The following ZCWPW2 variants were observed in gnomAD, a reference collection of about 807,000 sequenced individuals.
ZCWPW2 encodes the protein zinc finger CW-type and PWWP domain containing 2.
In ZCWPW2, 45 loss-of-function variants were observed where a neutral mutation model predicts 46.6. The ratio of observed to expected loss-of-function variants is 0.96; its 90% CI spans 0.76 to 1.24. ZCWPW2 has a LOEUF of 1.24. Ranked by LOEUF, ZCWPW2 falls within the 50% of genes most tolerant of loss-of-function variation. The pLI is 0.00. For synonymous variants in ZCWPW2, 152 were observed against 137.1 expected (o/e 1.11, Z -0.76); for missense variants, 429 against 403.9 (o/e 1.06, Z -0.53).
At chr3:28,449,937 A>G (rs1698158604) in intron 4 of ZCWPW2, among the ~76,000 whole-genome samples, 1 of 152,190 alleles carries the variant, frequency 6.6e-6, no homozygotes, top group African/African-American at 2.4e-5. Flanking sequence ...GTTTTAGTGT[A>G]GAGTAATGTA....
chr3:28,383,462 G>T (rs967321685), intron 1 of ZCWPW2, among the ~76,000 whole-genome samples: 4 of 151,980 alleles, frequency 2.6e-5, no homozygotes, highest in Non-Finnish European at 4.4e-5. Context: ...CTGAAAACCT[G>T]CACAATGCAG....
chr3:28,417,274 A>G (rs1450097115), intron 3 of ZCWPW2, among the ~76,000 whole-genome samples: 2 of 152,130 alleles, frequency 1.3e-5, no homozygotes, highest in Admixed American at 1.3e-4. Flanking sequence ...GAAGAAATGG[A>G]TAAATTCCTT....
chr3:28,498,183 A>C (rs1421971535), intron 6 of ZCWPW2, among the ~76,000 whole-genome samples: 1 of 151,924 alleles, frequency 6.6e-6, no homozygotes, highest in Non-Finnish European at 1.5e-5. Flanking sequence ...ATAGATTTTG[A>C]AAGATGTTTG....
intron 3 of ZCWPW2, among the ~76,000 whole-genome samples, chr3:28,419,776 G>C (rs1287020315): frequency 4.0e-5 from 2 of 49,518 alleles, no homozygotes; most frequent in African/African-American, 1.7e-4. Context: ...CCTTTGTAGG[G>C]ATATGGATGA....
At chr3:28,372,409 A>G (rs1186525391) in intron 1 of ZCWPW2, among the ~76,000 whole-genome samples, 1 of 152,204 alleles carries the variant, frequency 6.6e-6, no homozygotes, top group African/African-American at 2.4e-5. Flanking sequence ...CAGCCCAAAT[A>G]TCTAAAGATT....
chr3:28,441,970 G>A (rs1443712586), intron 4 of ZCWPW2, among the ~76,000 whole-genome samples: 1 of 152,188 alleles, frequency 6.6e-6, no homozygotes, highest in African/African-American at 2.4e-5. Context: ...ATTTGGGCCT[G>A]CCAAAGGCTC....
At chr3:28,488,231 A>G (rs1013241845) in intron 5 of ZCWPW2, among the ~76,000 whole-genome samples, 2 of 152,118 alleles carry the variant, frequency 1.3e-5, no homozygotes, top group African/African-American at 4.8e-5. Flanking sequence ...TCCTACCCCT[A>G]TACTAGTTTC....
rs931972281 is a variant in ZCWPW2, at chr3:28,433,562, T to C, written c.333-1548T>C. Among the ~76,000 whole-genome samples the C allele has an allele frequency of 5.3e-5, 8 of 151,454 alleles. No individual in the cohort carries two copies. In the East Asian group the frequency reaches 1.6e-3, roughly 29 times the overall value. ...CGGGCGGATCACTTGAGGTCAGGAG[T>C]TCGAGACCAGCCTGACCAACATGGT... On this transcript the variant is annotated intron_variant, in intron 3 of 9. Coordinates refer to ENST00000383768, the MANE Select transcript of ZCWPW2 (RefSeq NM_001040432.4).
intron 1 of ZCWPW2, among the ~76,000 whole-genome samples, chr3:28,367,592 T>G (rs1486413674): frequency 6.6e-6 from 1 of 152,116 alleles, no homozygotes; most frequent in Non-Finnish European, 1.5e-5. Flanking sequence ...GAACAGGTGT[T>G]GTGTGGTGCT....
Position 28,481,091 on chromosome 3 carries a change from T to G in ZCWPW2, c.610+2160T>G, listed in dbSNP as rs548358425. Among the ~76,000 whole-genome samples, 142 of 152,208 alleles carry G rather than the reference T, an allele frequency of 9.3e-4. 3 individuals carry two copies. Among genetic ancestry groups the G allele is most frequent in the Admixed American group, 6.2e-3 (95 of 15,286 alleles). On this transcript the variant is annotated intron_variant, in intron 5 of 9. Coordinates refer to ENST00000383768, the MANE Select transcript of ZCWPW2 (RefSeq NM_001040432.4). ...CATGTTGGCCAGGCTGGTCTTGAAC[T>G]TCCCATTGCTTGTTTTTGTCAGATT...
chr3:28,364,844 T>C (rs1312994798), intron 1 of ZCWPW2, among the ~76,000 whole-genome samples: 1 of 152,204 alleles, frequency 6.6e-6, no homozygotes, highest in Non-Finnish European at 1.5e-5. Flanking sequence ...TTCCTGACTT[T>C]TAATGATCGT....
At chr3:28,484,595 T>C (rs1448252632) in intron 5 of ZCWPW2, among the ~76,000 whole-genome samples, 1 of 152,172 alleles carries the variant, frequency 6.6e-6, no homozygotes, top group African/African-American at 2.4e-5. Flanking sequence ...TTATTTTCTT[T>C]TAATGTCCAT....
intron 3 of ZCWPW2, among the ~76,000 whole-genome samples, chr3:28,433,497 T>G (rs2125761487): frequency 6.6e-6 from 1 of 152,288 alleles, no homozygotes; most frequent in South Asian, 2.1e-4. Context: ...CTGGGTGCAG[T>G]GGCTCATGCC....
At chr3:28,426,236 G>A (rs543980600) in intron 3 of ZCWPW2, among the ~76,000 whole-genome samples, 11 of 151,890 alleles carry the variant, frequency 7.2e-5, no homozygotes, top group African/African-American at 2.7e-4. Context: ...CAATGTTTAA[G>A]CAGTCTTGTT....
At chr3:28,437,437 A>G (rs1697546383) in intron 4 of ZCWPW2, among the ~76,000 whole-genome samples, 1 of 152,228 alleles carries the variant, frequency 6.6e-6, no homozygotes. Flanking sequence ...AAAGACCTGC[A>G]TTATATGCAT....
At chr3:28,411,016 T>A (rs1696377051) in intron 2 of ZCWPW2, among the ~76,000 whole-genome samples, 1 of 151,910 alleles carries the variant, frequency 6.6e-6, no homozygotes, top group Non-Finnish European at 1.5e-5. Context: ...GGGAACATTT[T>A]TTACTTTATT....
At chr3:28,357,512 G>A (rs1704782018) in intron 1 of ZCWPW2, among the ~76,000 whole-genome samples, 1 of 152,178 alleles carries the variant, frequency 6.6e-6, no homozygotes. Context: ...CACATTGTGA[G>A]TGGGCAGCAT....
intron 2 of ZCWPW2, among the ~76,000 whole-genome samples, chr3:28,410,785 G>A (rs1414260557): frequency 2.6e-5 from 4 of 151,788 alleles, no homozygotes; most frequent in Non-Finnish European, 5.9e-5. Flanking sequence ...AGGAAAGAAA[G>A]AATTAAGAAA....
chr3:28,495,636 G>A (rs1479595581), intron 6 of ZCWPW2, among the ~76,000 whole-genome samples: 1 of 151,890 alleles, frequency 6.6e-6, no homozygotes, highest in Admixed American at 6.6e-5. Context: ...TGTTGAATCT[G>A]ATAGCATAAA....
Sources: allele counts gnomAD v4.1 joint callset (sites outside exome capture counted in the v4.1 genomes callset), GRCh38; gene constraint gnomAD v4.1.1; transcripts MANE v1.5; gene names NCBI Gene and HGNC (gene_info 2026-07-23, HGNC 2026-07-21).